SAMMSON: variants seen among roughly 807,000 people sequenced by gnomAD.
SAMMSON encodes long intergenic non-protein coding RNA 1212.
intron 4 of SAMMSON, among the ~76,000 whole-genome samples, chr3:70,129,285 T>C (rs72937550): frequency 0.013 from 1,965 of 152,320 alleles, 32 homozygotes; most frequent in African/African-American, 0.044. Flanking sequence ...TTCCAGGTTT[T>C]ACTTTAAGCT....
chr3:70,349,140 C>T (rs1186876548), intron 7 of SAMMSON, among the ~76,000 whole-genome samples: 2 of 152,030 alleles, frequency 1.3e-5, no homozygotes, highest in African/African-American at 2.4e-5. Context: ...TTTGGGAGGC[C>T]GAGGTGGGAG....
intron 6 of SAMMSON, among the ~76,000 whole-genome samples, chr3:70,283,397 G>T (rs1702108226): frequency 6.6e-6 from 1 of 152,092 alleles, no homozygotes; most frequent in South Asian, 2.1e-4. Flanking sequence ...TATTGTTCAG[G>T]CTGACGAATA....
At chr3:70,292,719 A>T (rs1199747001) in intron 7 of SAMMSON, among the ~76,000 whole-genome samples, 1 of 152,060 alleles carries the variant, frequency 6.6e-6, no homozygotes, top group African/African-American at 2.4e-5. Flanking sequence ...TTAAAACTAG[A>T]TCTTTGATCA....
intron 4 of SAMMSON, among the ~76,000 whole-genome samples, chr3:70,097,990 G>A (rs1576121078): frequency 1.3e-5 from 2 of 152,174 alleles, no homozygotes; most frequent in Admixed American, 6.5e-5. Flanking sequence ...GGAGCAAGGG[G>A]TTGAAAGGTT....
At chr3:70,377,851 C>A (rs74683595) in intron 9 of SAMMSON, among the ~76,000 whole-genome samples, 3,238 of 151,934 alleles carry the variant, frequency 0.021, 112 homozygotes, top group African/African-American at 0.072. Context: ...AGAGGAAATT[C>A]AAAAGGCTAA....
intron 7 of SAMMSON, among the ~76,000 whole-genome samples, chr3:70,307,486 C>T (rs1702413251): frequency 6.6e-6 from 1 of 152,124 alleles, no homozygotes; most frequent in Non-Finnish European, 1.5e-5. Flanking sequence ...TACCTGACAT[C>T]CTATTCCACC....
chr3:70,381,781 C>G (rs979671175), intron 9 of SAMMSON, among the ~76,000 whole-genome samples: 1 of 151,984 alleles, frequency 6.6e-6, no homozygotes. Context: ...CCAGTTTCTT[C>G]AAGCCAATAG....
intron 4 of SAMMSON, among the ~76,000 whole-genome samples, chr3:70,150,981 T>C (rs905364697): frequency 6.6e-6 from 1 of 152,034 alleles, no homozygotes; most frequent in African/African-American, 2.4e-5. Flanking sequence ...GAAATATATA[T>C]ATCTATATGT....
chr3:70,149,289 T>G (rs546785823), intron 4 of SAMMSON, among the ~76,000 whole-genome samples: 1 of 152,234 alleles, frequency 6.6e-6, no homozygotes, highest in Admixed American at 6.5e-5. Context: ...TCTGGTCTGT[T>G]AGGGGACAAA....
chr3:70,093,129 A>G (rs1438024457), intron 4 of SAMMSON, among the ~76,000 whole-genome samples: 1 of 152,094 alleles, frequency 6.6e-6, no homozygotes, highest in African/African-American at 2.4e-5. Context: ...GTGAGCTTCC[A>G]TAGCTAAAGG....
chr3:70,287,346 A>G (rs1702176890), intron 6 of SAMMSON, among the ~76,000 whole-genome samples: 1 of 148,388 alleles, frequency 6.7e-6, no homozygotes, highest in Non-Finnish European at 1.5e-5. Flanking sequence ...CTGTGTTTAT[A>G]TGCTGGATTA....
At chr3:70,017,948 T>C (rs1320669692) in intron 3 of SAMMSON, among the ~76,000 whole-genome samples, 1 of 152,178 alleles carries the variant, frequency 6.6e-6, no homozygotes, top group Non-Finnish European at 1.5e-5. Context: ...GTGATCATGG[T>C]GGATAAGCTT....
chr3:70,188,157 A>G (rs981574326), intron 4 of SAMMSON, among the ~76,000 whole-genome samples: 1 of 152,176 alleles, frequency 6.6e-6, no homozygotes, highest in East Asian at 1.9e-4. Context: ...GCCATCTTAC[A>G]GCTCTCTTTA....
chr3:70,248,764 A>G (rs977085510), intron 4 of SAMMSON, among the ~76,000 whole-genome samples: 6 of 152,168 alleles, frequency 3.9e-5, no homozygotes, highest in Non-Finnish European at 5.9e-5. Flanking sequence ...ATATTGGAAA[A>G]TGGTGATTAA....
chr3:70,165,416 A>C (rs2067633039), intron 4 of SAMMSON, among the ~76,000 whole-genome samples: 1 of 151,928 alleles, frequency 6.6e-6, no homozygotes, highest in Non-Finnish European at 1.5e-5. Flanking sequence ...AAGAGGCCCC[A>C]GAGAGTTTTC....
At chr3:70,148,836 A>T (rs143323948) in intron 4 of SAMMSON, among the ~76,000 whole-genome samples, 28 of 152,186 alleles carry the variant, frequency 1.8e-4, no homozygotes, top group African/African-American at 5.5e-4. Context: ...CAACTTGAGG[A>T]TTGGGGGAAC....
intron 7 of SAMMSON, among the ~76,000 whole-genome samples, chr3:70,308,921 C>A (rs1337827943): frequency 1.3e-5 from 2 of 152,162 alleles, no homozygotes; most frequent in African/African-American, 4.8e-5. Flanking sequence ...TAAGGCATTG[C>A]TGTGATTACC....
exon 5 of SAMMSON, chr3:70,249,137 T>C (rs1198863478): frequency 6.6e-6 from 1 of 152,192 alleles, no homozygotes; most frequent in Non-Finnish European, 1.5e-5. Flanking sequence ...TTCAGATCGA[T>C]GTGGATGTAC....
intron 3 of SAMMSON, among the ~76,000 whole-genome samples, chr3:70,063,327 T>A (rs1244619033): frequency 1.3e-5 from 2 of 152,152 alleles, no homozygotes; most frequent in African/African-American, 4.8e-5. Flanking sequence ...TATTTTGGTC[T>A]TTTTCCAGCC....
Sources: gnomAD v4.1 joint callset for allele counts (sites outside exome capture counted in the v4.1 genomes callset) on GRCh38, gnomAD v4.1.1 for gene constraint, MANE v1.5 for transcripts, NCBI Gene and HGNC (gene_info 2026-07-23, HGNC 2026-07-21) for gene names.